Variants in RDX observed in about 807,000 individuals in gnomAD.
The protein encoded by RDX is deafness, autosomal recessive 24.
Under a neutral mutation model 83.7 loss-of-function variants are expected in RDX, and 32 were observed. That is an observed-to-expected ratio of 0.38 (90% CI 0.29 to 0.51). The LOEUF (loss-of-function observed/expected upper bound fraction) is 0.51, where lower values mean the gene tolerates loss of function less well. RDX is among the 20% of genes least tolerant of loss of function. The pLI is 0.87. For missense variants in RDX, 600 were observed against 689.9 expected (o/e 0.87, Z 1.46); for synonymous variants, 229 against 222.7 (o/e 1.03, Z -0.25).
chr11:110,217,304 A>G (rs1428648692), intron 14 of RDX, among the ~76,000 whole-genome samples: 1 of 152,200 alleles, frequency 6.6e-6, no homozygotes, highest in Non-Finnish European at 1.5e-5. Context: ...GATTCAACCT[A>G]GTAATACAAT....
Position 110,262,037 on chromosome 11 carries a change from A to T in RDX, c.467+1923T>A, listed in dbSNP as rs1316224249. ...TTCTTTAACATTTAAAAAAAAAATT[A>T]AAGTAATTCTGATTATAAAACAAAA... On this transcript the variant is annotated intron_variant, in intron 5 of 13. Coordinates refer to ENST00000645495, the MANE Select transcript of RDX (RefSeq NM_002906.4). 3.9e-5 allele frequency among the ~76,000 whole-genome samples: 6 copies of T among 152,226 alleles called. No homozygotes were observed. The East Asian group carries it at 1.2e-3, about 29-fold the overall frequency.
chr11:110,217,973 C>T (rs547301146), intron 14 of RDX, among the ~76,000 whole-genome samples: 1 of 152,170 alleles, frequency 6.6e-6, no homozygotes, highest in Non-Finnish European at 1.5e-5. Context: ...TAACTTGAGG[C>T]ATCTAATAAA....
At chr11:110,177,342 T>A (rs556054266) in intron 15 of RDX, among the ~76,000 whole-genome samples, 1 of 152,208 alleles carries the variant, frequency 6.6e-6, no homozygotes, top group Admixed American at 6.5e-5. Flanking sequence ...GAGCAGGTCC[T>A]TAATCTTGAA....
intron 3 of RDX, among the ~76,000 whole-genome samples, chr11:110,265,440 CT>C (rs1338461355): frequency 6.6e-6 from 1 of 151,736 alleles, no homozygotes; most frequent in Non-Finnish European, 1.5e-5. Flanking sequence ...ACTTGATCCA[CT>C]TTTTCATACC....
chr11:110,266,762 T>G (rs185236363), intron 3 of RDX, among the ~76,000 whole-genome samples: 71 of 152,144 alleles, frequency 4.7e-4, no homozygotes, highest in Non-Finnish European at 8.4e-4. Context: ...TTTTGTTTTG[T>G]TTTCTGTAGA....
At chr11:110,263,777 A>G (rs2134379676) in intron 5 of RDX, among the ~76,000 whole-genome samples, 183 bp downstream of exon 5, 1 of 151,760 alleles carries the variant, frequency 6.6e-6, no homozygotes, top group Middle Eastern at 3.4e-3. Context: ...CTGAGGTGGA[A>G]GGATGGCTTG....
At chr11:110,265,488 A>G (rs1012483089) in intron 3 of RDX, among the ~76,000 whole-genome samples, 7 of 130,218 alleles carry the variant, frequency 5.4e-5, no homozygotes, top group Admixed American at 5.1e-4. Flanking sequence ...AACAATAACA[A>G]GAGTCTTGAA....
At chr11:110,182,162 T>C (rs138036974) in intron 15 of RDX, among the ~76,000 whole-genome samples, 9 of 152,358 alleles carry the variant, frequency 5.9e-5, no homozygotes, top group Admixed American at 5.2e-4. Flanking sequence ...TGAGGACTAC[T>C]GAGCTCCACA....
Position 110,255,958 on chromosome 11 carries a change from C to T in RDX, c.699-573G>A, listed in dbSNP as rs150426858. Among the ~76,000 whole-genome samples the T allele has an allele frequency of 6.3e-3, 965 of 152,214 alleles. 10 individuals carry two copies. The highest frequency in any genetic ancestry group is 0.021 in the African/African-American group (870 of 41,542). ...CTCAAAAATTTTAAACACTCACATA[C>T]ATAAATATTTGGATAAATGATAGAG... On this transcript the variant is annotated intron_variant, in intron 7 of 13. Coordinates refer to ENST00000645495, the MANE Select transcript of RDX (RefSeq NM_002906.4).
chr11:110,251,449 T>C (rs1859337516), intron 9 of RDX, among the ~76,000 whole-genome samples: 1 of 152,146 alleles, frequency 6.6e-6, no homozygotes, highest in African/African-American at 2.4e-5. Context: ...ACAAAAACGC[T>C]TGAAGGTAAG....
chr11:110,210,982 C>A (rs1312885114), intron 14 of RDX, among the ~76,000 whole-genome samples: 4 of 151,648 alleles, frequency 2.6e-5, no homozygotes, highest in Non-Finnish European at 5.9e-5. Flanking sequence ...ATCAAATTCA[C>A]ACATAACAAT....
At chr11:110,226,061 C>T (rs900573218), downstream of RDX, among the ~76,000 whole-genome samples, 6 of 101,434 alleles carry the variant, frequency 5.9e-5, no homozygotes, top group Non-Finnish European at 1.2e-4. Context: ...AGCAAAACTC[C>T]ATCTCAAAAA....
chr11:110,254,570 G>C (rs1482868597), intron 8 of RDX, among the ~76,000 whole-genome samples: 1 of 151,724 alleles, frequency 6.6e-6, no homozygotes, highest in East Asian at 1.9e-4. Flanking sequence ...CTGCCTCCCG[G>C]GTTCAAGAAA....
chr11:110,257,848 A>G lies in RDX; in HGVS notation c.617T>C (p.Phe206Ser). The G allele has an allele frequency of 6.2e-7, 1 of 1,612,854 alleles. No individual in the cohort carries two copies. The highest frequency in any genetic ancestry group is 8.5e-7 in the Non-Finnish European group (1 of 1,179,160). ...QDLEMYGVNYFEIKNKKGTEL... is the reference protein window; with the variant it reads ...QDLEMYGVNYSEIKNKKGTEL... ...AGTTCCTTTTTTATTTTTTATTTCA[A>G]AATAGTTGACTCCATACATTTCTAG... The change falls in exon 7 of 14, where the codon TTT (phenylalanine) becomes TCT (serine). Residue 206 changes from phenylalanine to serine, a missense_variant. Physicochemically the swap from Phe to Ser is radical, Grantham distance 155. Transcript: ENST00000645495.
intron 15 of RDX, among the ~76,000 whole-genome samples, chr11:110,193,506 C>T (rs1430770210): frequency 7.1e-6 from 1 of 139,872 alleles, no homozygotes; most frequent in Admixed American, 6.8e-5. Flanking sequence ...CACATGTACA[C>T]CCTACATCTA....
chr11:110,248,771 C>T (rs1023264820), intron 9 of RDX, among the ~76,000 whole-genome samples: 1 of 152,070 alleles, frequency 6.6e-6, no homozygotes, highest in Non-Finnish European at 1.5e-5. Flanking sequence ...AGGGAGCAAA[C>T]AAAGGCATGT....
intron 10 of RDX, among the ~76,000 whole-genome samples, chr11:110,242,908 C>A (rs1865157904): frequency 6.6e-6 from 1 of 151,888 alleles, no homozygotes; most frequent in Non-Finnish European, 1.5e-5. Flanking sequence ...GGAACATAGC[C>A]ACCCTCATTT....
At chr11:110,235,739 T>G (rs1276954309) in intron 12 of RDX, among the ~76,000 whole-genome samples, 1 of 152,232 alleles carries the variant, frequency 6.6e-6, no homozygotes, top group Non-Finnish European at 1.5e-5. Flanking sequence ...TTATATACAT[T>G]CATACTTCCT....
chr11:110,200,567 C>A (rs907086428), intron 14 of RDX, among the ~76,000 whole-genome samples: 2 of 152,088 alleles, frequency 1.3e-5, no homozygotes, highest in African/African-American at 2.4e-5. Flanking sequence ...AGTTATGAAC[C>A]AAAAGGGCAG....
Sources: allele counts gnomAD v4.1 joint callset (sites outside exome capture counted in the v4.1 genomes callset), GRCh38; gene constraint gnomAD v4.1.1; transcripts MANE v1.5; gene names NCBI Gene and HGNC (gene_info 2026-07-23, HGNC 2026-07-21).